The following GPC6 variants were observed in gnomAD, a reference collection of about 807,000 sequenced individuals.
The protein encoded by GPC6 is glypican 6.
In GPC6, 14 loss-of-function variants were observed where a neutral mutation model predicts 55.2. The ratio of observed to expected loss-of-function variants is 0.25; its 90% CI spans 0.17 to 0.40. GPC6 has a LOEUF of 0.40. GPC6 is among the 10% of genes least tolerant of loss of function. GPC6 has a pLI of 1.00. For synonymous variants in GPC6, 278 were observed against 259.6 expected (o/e 1.07, Z -0.68); for missense variants, 641 against 708.5 (o/e 0.90, Z 1.08).
intron 1 of GPC6, among the ~76,000 whole-genome samples, chr13:93,517,790 G>A: frequency 6.6e-6 from 1 of 152,002 alleles, no homozygotes; most frequent in Middle Eastern, 3.4e-3. Context: ...ATCTTTCTTT[G>A]GGTAGAGTGA....
rs1015787720 is a variant in GPC6, at chr13:93,958,441, A to G, written c.712-69288A>G. On this transcript the variant is annotated intron_variant, in intron 3 of 8. Coordinates refer to ENST00000377047, the MANE Select transcript of GPC6 (RefSeq NM_005708.5). Reference sequence around the variant, plus strand: ...CTAGCCAGTTATCCCAGAACCATCTATTGAGTAGGGAGTCCTTTTCCCATT... The same window carrying G: ...CTAGCCAGTTATCCCAGAACCATCTGTTGAGTAGGGAGTCCTTTTCCCATT... 1.6e-4 allele frequency among the ~76,000 whole-genome samples: 24 copies of G among 152,298 alleles called. 1 individual carries two copies. Among genetic ancestry groups the G allele is most frequent in the Admixed American group, 3.9e-4 (6 of 15,290 alleles).
chr13:94,170,182 C>A (rs1367509047), intron 4 of GPC6, among the ~76,000 whole-genome samples: 1 of 152,192 alleles, frequency 6.6e-6, no homozygotes, highest in Non-Finnish European at 1.5e-5. Context: ...CAGAAAGCAA[C>A]ACACAAGCAA....
chr13:93,465,128 C>T (rs1353796523), intron 1 of GPC6, among the ~76,000 whole-genome samples: 1 of 152,154 alleles, frequency 6.6e-6, no homozygotes. Context: ...CTCGATTGTT[C>T]TGTTTATAGA....
chr13:94,239,099 A>G (rs1459941832), intron 4 of GPC6, among the ~76,000 whole-genome samples: 1 of 152,172 alleles, frequency 6.6e-6, no homozygotes, highest in African/African-American at 2.4e-5. Flanking sequence ...CTAGCTTACA[A>G]TGTAAGTGGT....
intron 1 of GPC6, among the ~76,000 whole-genome samples, chr13:93,539,022 G>A: frequency 6.6e-6 from 1 of 151,550 alleles, no homozygotes; most frequent in Non-Finnish European, 1.5e-5. Context: ...CTGGTGCGCT[G>A]CACCCACCAA....
intron 3 of GPC6, among the ~76,000 whole-genome samples, chr13:93,931,549 A>C (rs913619649): frequency 1.3e-5 from 2 of 151,980 alleles, no homozygotes; most frequent in Admixed American, 1.3e-4. Context: ...GTATCACCTG[A>C]GGTCAGGAGT....
intron 4 of GPC6, among the ~76,000 whole-genome samples, chr13:94,240,472 G>C (rs143375238): frequency 7.2e-4 from 110 of 152,204 alleles, no homozygotes; most frequent in African/African-American, 2.5e-3. Context: ...GATAAAAGGA[G>C]TGGTCATGGA....
At chr13:93,545,972 A>G (rs1235702380) in intron 2 of GPC6, among the ~76,000 whole-genome samples, 2 of 152,198 alleles carry the variant, frequency 1.3e-5, no homozygotes, top group South Asian at 2.1e-4. Context: ...TGTTATTTCT[A>G]TATTCTATTT....
chr13:93,796,651 TC>T (rs1335216585), intron 2 of GPC6, among the ~76,000 whole-genome samples: 1 of 152,166 alleles, frequency 6.6e-6, no homozygotes, highest in African/African-American at 2.4e-5. Context: ...AGCTTCTCCT[TC>T]CTCCAGCAAC....
chr13:93,617,467 C>A (rs1240439733), intron 2 of GPC6, among the ~76,000 whole-genome samples: 1 of 152,010 alleles, frequency 6.6e-6, no homozygotes, highest in Non-Finnish European at 1.5e-5. Flanking sequence ...GATAAAGCAA[C>A]ATTTTTCTGA....
chr13:93,648,452 A>G (rs964158868), intron 2 of GPC6, among the ~76,000 whole-genome samples: 7 of 152,192 alleles, frequency 4.6e-5, no homozygotes, highest in African/African-American at 1.4e-4. Flanking sequence ...GAACTTAGAC[A>G]TACATCCTGG....
chr13:94,390,743 G>A lies in GPC6; in HGVS notation c.1290-7723G>A, dbSNP rs138670909. ...CCATATCAGTGGGAATTCTGTCTTA[G>A]GAAAGAACTGGCTACTGTCAAGCCA... On this transcript the variant is annotated intron_variant, in intron 7 of 8. Transcript: ENST00000377047. Among the ~76,000 whole-genome samples the A allele has an allele frequency of 5.2e-4, 79 of 152,234 alleles. 2 individuals are homozygous for A. In the East Asian group the frequency reaches 0.014, roughly 27 times the overall value.
intron 1 of GPC6, among the ~76,000 whole-genome samples, chr13:93,270,959 G>A (rs1200079706): frequency 6.6e-6 from 1 of 152,188 alleles, no homozygotes; most frequent in South Asian, 2.1e-4. Context: ...ATTTCCAGCA[G>A]AATTTAATAG....
intron 6 of GPC6, among the ~76,000 whole-genome samples, chr13:94,367,728 C>T (rs1165522864): frequency 2.6e-5 from 4 of 151,620 alleles, no homozygotes; most frequent in African/African-American, 4.8e-5. Flanking sequence ...CAATTCCCTA[C>T]GAAACTCAAC....
chr13:93,545,181 G>A (rs1874715251), intron 1 of GPC6, 82 bp from the exon 2 acceptor site: 2 of 1,220,118 alleles, frequency 1.6e-6, no homozygotes, highest in African/African-American at 3.0e-5. Context: ...TGAGATTTGA[G>A]CAAAGTGTTA....
At chr13:94,126,939 A>G (rs989248882) in intron 4 of GPC6, among the ~76,000 whole-genome samples, 10 of 152,184 alleles carry the variant, frequency 6.6e-5, no homozygotes, top group Non-Finnish European at 1.5e-4. Flanking sequence ...TGGTATATAG[A>G]TTAAAAGTGA....
chr13:93,599,609 G>A (rs552569152), intron 2 of GPC6, among the ~76,000 whole-genome samples: 1 of 152,272 alleles, frequency 6.6e-6, no homozygotes, highest in African/African-American at 2.4e-5. Flanking sequence ...GGTCACAGAT[G>A]GCCTTAGGAG....
chr13:94,149,645 C>G (rs1464148541), intron 4 of GPC6, among the ~76,000 whole-genome samples: 2 of 152,002 alleles, frequency 1.3e-5, no homozygotes, highest in African/African-American at 4.8e-5. Context: ...GAGGACCAAG[C>G]CCTGTAAGTC....
intron 1 of GPC6, among the ~76,000 whole-genome samples, chr13:93,272,789 T>C (rs1877581323): frequency 6.6e-6 from 1 of 152,162 alleles, no homozygotes; most frequent in Non-Finnish European, 1.5e-5. Flanking sequence ...ATTCAGACCC[T>C]CTATGCCTGT....
Sources: gnomAD v4.1 joint callset for allele counts (sites outside exome capture counted in the v4.1 genomes callset) on GRCh38, gnomAD v4.1.1 for gene constraint, MANE v1.5 for transcripts, NCBI Gene and HGNC (gene_info 2026-07-23, HGNC 2026-07-21) for gene names.